NECTIN3: variants seen among roughly 807,000 people sequenced by gnomAD.
NECTIN3 encodes nectin-3.
In NECTIN3, 8 loss-of-function variants were observed where a neutral mutation model predicts 49.4. That is an observed-to-expected ratio of 0.16 (90% CI 0.10 to 0.29). The LOEUF (loss-of-function observed/expected upper bound fraction) is 0.29. Among genes scored for constraint, NECTIN3 ranks in the 10% least tolerant of loss-of-function variants. The pLI is 1.00. For synonymous variants in NECTIN3, 277 were observed against 241.1 expected, an observed-to-expected ratio of 1.15 and a Z score of -1.38; for missense variants, 581 against 654.6, an observed-to-expected ratio of 0.89 and a Z score of 1.23.
Position 111,136,097 on chromosome 3 carries a change from AGAT to A in NECTIN3, c.*1884_*1886del, listed in dbSNP as rs1167302613. ...TTAAACGATGAGGTGGCCAGAAGAA[AGAT>A]GGGTCTAAAATTTCTCCCCATGAAA... On this transcript the variant is annotated 3_prime_UTR_variant, in exon 6 of 6. Coordinates refer to ENST00000485303, the MANE Select transcript of NECTIN3 (RefSeq NM_015480.3). 1 of 983,846 alleles carries A rather than the reference AGAT, an allele frequency of 1.0e-6. No homozygotes were observed. The highest frequency in any genetic ancestry group is 1.2e-6 in the Non-Finnish European group (1 of 828,778). The allele number at this position is 983,846 out of a possible 1,614,324, so 60.9% of individuals were successfully genotyped here. A position where few individuals can be genotyped will look rare whatever the true frequency, so the allele number is the denominator to read the frequency against.
intron 7 of NECTIN3, among the ~76,000 whole-genome samples, chr3:111,150,906 G>A (rs951940617): frequency 1.3e-5 from 2 of 151,762 alleles, no homozygotes; most frequent in African/African-American, 4.8e-5. Context: ...AAAACTCTTA[G>A]TTTAAATGAA....
chr3:111,131,913 C>CTGA (rs1390219244), intron 5 of NECTIN3, among the ~76,000 whole-genome samples: 1 of 151,664 alleles, frequency 6.6e-6, no homozygotes, highest in African/African-American at 2.4e-5. Context: ...TTTAAATATG[C>CTGA]TGATGCCAGT....
chr3:111,113,506 A>G (rs1335204864), intron 2 of NECTIN3, among the ~76,000 whole-genome samples: 1 of 152,296 alleles, frequency 6.6e-6, no homozygotes, highest in African/African-American at 2.4e-5. Context: ...CAAATTTATT[A>G]TATATTTTTT....
intron 1 of NECTIN3, among the ~76,000 whole-genome samples, chr3:111,077,614 G>A (rs980011235): frequency 1.3e-5 from 2 of 152,006 alleles, no homozygotes; most frequent in Admixed American, 6.6e-5. Flanking sequence ...TTTGTAAGAC[G>A]GGTGAGGTGT....
intron 7 of NECTIN3, among the ~76,000 whole-genome samples, chr3:111,156,341 CTT>C (rs2035098136): frequency 6.6e-6 from 1 of 150,834 alleles, no homozygotes; most frequent in African/African-American, 2.5e-5. Context: ...TTAGAAACAT[CTT>C]AAGTTTGAAG....
chr3:111,155,487 G>T (rs2035078609), intron 7 of NECTIN3, among the ~76,000 whole-genome samples: 1 of 152,166 alleles, frequency 6.6e-6, no homozygotes, highest in Non-Finnish European at 1.5e-5. Context: ...CTATATAAAA[G>T]CACGATGTTT....
intron 1 of NECTIN3, among the ~76,000 whole-genome samples, chr3:111,092,130 T>C (rs531575567): frequency 1.8e-4 from 27 of 152,326 alleles, no homozygotes; most frequent in East Asian, 1.3e-3. Flanking sequence ...CATGTTTCAA[T>C]TGGGTTATTT....
chr3:111,082,952 G>T (rs932629413), intron 1 of NECTIN3, among the ~76,000 whole-genome samples: 4 of 152,118 alleles, frequency 2.6e-5, no homozygotes, highest in Non-Finnish European at 5.9e-5. Context: ...TCTCAGTAGG[G>T]TTCGTGCTCC....
In NECTIN3 at chr3:111,136,327, A is replaced by T. The variant is rs1373069521; in HGVS notation, c.*2112A>T. 2.0e-6 allele frequency: 2 copies of T among 984,104 alleles called. No individual in the cohort carries two copies. Among genetic ancestry groups the T allele is most frequent in the Non-Finnish European group, 1.2e-6 (1 of 829,030 alleles). The allele number at this position is 984,104 out of a possible 1,614,324, so 61.0% of individuals were successfully genotyped here. A position where few individuals can be genotyped will look rare whatever the true frequency, so the allele number is the denominator to read the frequency against. The stretch of plus-strand genomic sequence containing the variant: ...ATACTGATTATGAACTTCCTTTTAC[A>T]TTGTGGTTATTTGTGCGATTAGGTT... On this transcript the variant is annotated 3_prime_UTR_variant, in exon 6 of 6. Transcript: ENST00000485303.
chr3:111,179,073 C>T (rs1311483716), intron 7 of NECTIN3, among the ~76,000 whole-genome samples: 1 of 152,214 alleles, frequency 6.6e-6, no homozygotes, highest in East Asian at 1.9e-4. Context: ...AATCTTTTGT[C>T]AGTCCTTATA....
intron 2 of NECTIN3, among the ~76,000 whole-genome samples, chr3:111,114,016 C>T (rs895545128): frequency 6.6e-6 from 1 of 151,968 alleles, no homozygotes; most frequent in Admixed American, 6.6e-5. Flanking sequence ...ATAACAAGTA[C>T]TTTGCATATG....
intron 1 of NECTIN3, among the ~76,000 whole-genome samples, chr3:111,083,960 G>A (rs925054755): frequency 6.6e-6 from 1 of 152,144 alleles, no homozygotes; most frequent in Non-Finnish European, 1.5e-5. Flanking sequence ...ACTATAGAAA[G>A]TTGAAAAACT....
At chr3:111,090,473 A>G (rs1266202547) in intron 1 of NECTIN3, among the ~76,000 whole-genome samples, 1 of 152,078 alleles carries the variant, frequency 6.6e-6, no homozygotes, top group Non-Finnish European at 1.5e-5. Flanking sequence ...ATTAATTAGT[A>G]CATATATTAT....
At chr3:111,117,528 T>C (rs1213747290) in intron 2 of NECTIN3, among the ~76,000 whole-genome samples, 1 of 152,112 alleles carries the variant, frequency 6.6e-6, no homozygotes, top group African/African-American at 2.4e-5. Flanking sequence ...TCATTTGTTA[T>C]TTTACAGTAA....
chr3:111,114,063 T>A (rs1020062653), intron 2 of NECTIN3, among the ~76,000 whole-genome samples: 2 of 152,158 alleles, frequency 1.3e-5, no homozygotes, highest in Non-Finnish European at 2.9e-5. Flanking sequence ...CACTTTTTAT[T>A]TTGCTTTAAA....
At chr3:111,143,224 T>C (rs111775043) in intron 5 of NECTIN3, among the ~76,000 whole-genome samples, 184 of 152,018 alleles carry the variant, frequency 1.2e-3, no homozygotes, top group Admixed American at 2.3e-3. Flanking sequence ...TTTAATCTAG[T>C]ACATATTCAA....
At chr3:111,162,619 A>G (rs1014257806) in intron 7 of NECTIN3, among the ~76,000 whole-genome samples, 4 of 152,234 alleles carry the variant, frequency 2.6e-5, no homozygotes, top group Non-Finnish European at 5.9e-5. Context: ...AACTGCCTAG[A>G]AGTCTCAGAT....
At chr3:111,168,280 G>A (rs970828104) in intron 7 of NECTIN3, among the ~76,000 whole-genome samples, 1 of 152,100 alleles carries the variant, frequency 6.6e-6, no homozygotes, top group African/African-American at 2.4e-5. Flanking sequence ...TTTGAAGTAG[G>A]TTTTTAAAAT....
downstream of NECTIN3, chr3:111,137,607 G>A (rs1253943692): frequency 8.4e-6 from 5 of 593,672 alleles, no homozygotes; most frequent in East Asian, 1.5e-4. Context: ...CTTTGTCCTC[G>A]TATTTACTAA....
Sources: allele counts gnomAD v4.1 joint callset (sites outside exome capture counted in the v4.1 genomes callset), GRCh38; gene constraint gnomAD v4.1.1; transcripts MANE v1.5; gene names NCBI Gene and HGNC (gene_info 2026-07-23, HGNC 2026-07-21).